Variants in CLCA4 observed in about 807,000 individuals in gnomAD.
The protein encoded by CLCA4 is calcium-activated chloride channel regulator 4.
CLCA4 carries 69 observed loss-of-function variants against 78.9 expected under a neutral mutation model. That is an observed-to-expected ratio of 0.87 (90% CI 0.72 to 1.07). The LOEUF (loss-of-function observed/expected upper bound fraction) is 1.07. CLCA4 is among the 50% of genes least tolerant of loss of function. The pLI, the probability that CLCA4 is intolerant of heterozygous loss-of-function variation, is 0.00. For missense variants in CLCA4, 1,133 were observed against 1,095.8 expected, an observed-to-expected ratio of 1.03 and a Z score of -0.48; for synonymous variants, 362 against 375.8, an observed-to-expected ratio of 0.96 and a Z score of 0.42.
chr1:86,566,001 A>AT lies in CLCA4; in HGVS notation c.936dup (p.Lys313Ter). The AT allele has an allele frequency of 6.2e-7, 1 of 1,612,664 alleles. No individual in the cohort carries two copies. Among genetic ancestry groups the AT allele is most frequent in the Non-Finnish European group, 8.5e-7 (1 of 1,178,948 alleles). On this transcript the variant is annotated frameshift_variant, in exon 6 of 14. Transcript: ENST00000370563. LOFTEE classifies it high-confidence loss of function. Reference sequence around the variant, plus strand: ...CAAAGAATTGTGTGCTTAGTTCTTGATAAGTCTGGAAGCATGGGGGTAAGA... The same window carrying AT: ...CAAAGAATTGTGTGCTTAGTTCTTGATTAAGTCTGGAAGCATGGGGGTAAGA...
chr1:86,565,228 G>T lies in CLCA4; in HGVS notation c.558-46G>T, dbSNP rs1336884410. ...AGAACCACTTAAGATTTCTGTAAGT[G>T]CTAATGATTCAGTTGCCTCAAAGAT... On this transcript the variant is annotated intron_variant, in intron 4 of 13. Coordinates refer to ENST00000370563, the MANE Select transcript of CLCA4 (RefSeq NM_012128.4). The T allele has an allele frequency of 1.5e-5, 20 of 1,359,148 alleles. 2 individuals are homozygous for T. The highest frequency in any genetic ancestry group is 1.9e-5 in the Non-Finnish European group (19 of 986,552). The allele number at this position is 1,359,148 out of a possible 1,614,324, so 84.2% of individuals were successfully genotyped here.
At chr1:86,552,126 C>A (rs1034584166) in intron 1 of CLCA4, among the ~76,000 whole-genome samples, 2 of 151,864 alleles carry the variant, frequency 1.3e-5, no homozygotes, top group African/African-American at 4.8e-5. Context: ...GTTCTAATGT[C>A]GCAGCAAAGG....
intron 1 of CLCA4, among the ~76,000 whole-genome samples, chr1:86,555,057 T>C (rs1438286964): frequency 6.6e-6 from 1 of 152,190 alleles, no homozygotes; most frequent in African/African-American, 2.4e-5. Flanking sequence ...ATGCATTGTT[T>C]GTTTTTCTCT....
At chr1:86,578,277 T>A (rs575473368) in intron 12 of CLCA4, among the ~76,000 whole-genome samples, 1 of 152,050 alleles carries the variant, frequency 6.6e-6, no homozygotes, top group African/African-American at 2.4e-5. Context: ...ACTCAAGCAC[T>A]CAAAAAAGGT....
Position 86,574,618 on chromosome 1 carries a change from G to A in CLCA4, c.1546G>A (p.Asp516Asn). ...CATAATTGATAGTACAGTGGGAAAG[G>A]ACACGTTCTTTCTCATCACATGGAA... is the stretch of plus-strand genomic sequence containing the variant. ...TVIIDSTVGK[D>N]TFFLITWNSL... is the part of the protein sequence containing the mutation. The change falls in exon 10 of 14, where the codon GAC (aspartate) becomes AAC (asparagine). Residue 516 changes from aspartate (D) to asparagine (N), a missense_variant. Transcript: ENST00000370563. 1.9e-6 allele frequency: 3 copies of A among 1,612,628 alleles called. No individual in the cohort carries two copies. In the South Asian group the frequency reaches 3.3e-5, roughly 18 times the overall value.
intron 11 of CLCA4, 106 bp downstream of exon 11, chr1:86,575,705 A>G (rs1007262572): frequency 1.3e-5 from 13 of 1,024,544 alleles, no homozygotes; most frequent in Non-Finnish European, 1.8e-5. Context: ...ATTGATGCAG[A>G]TTAAGGAGGA....
intron 3 of CLCA4, among the ~76,000 whole-genome samples, chr1:86,562,743 A>C: frequency 6.6e-6 from 1 of 151,520 alleles, no homozygotes; most frequent in East Asian, 1.9e-4. Flanking sequence ...AATCTCAGCT[A>C]CTCGGGAGGC....
At chr1:86,560,985 G>A (rs1350165519) in intron 3 of CLCA4, among the ~76,000 whole-genome samples, 1 of 152,116 alleles carries the variant, frequency 6.6e-6, no homozygotes, top group Non-Finnish European at 1.5e-5. Flanking sequence ...CATTGTTAAA[G>A]GAGGGCTCTA....
chr1:86,558,736 A>G (rs1255747276), intron 1 of CLCA4, among the ~76,000 whole-genome samples: 1 of 152,114 alleles, frequency 6.6e-6, no homozygotes, highest in Non-Finnish European at 1.5e-5. Context: ...AACTTACATC[A>G]TGAGAACAGG....
chr1:86,553,369 G>C, intron 1 of CLCA4: 1 of 543,784 alleles, frequency 1.8e-6, no homozygotes. Context: ...CGGTTATCTG[G>C]GTCCTGCCGT....
Position 86,566,381 on chromosome 1 carries a change from G to C in CLCA4, c.954+361G>C, listed in dbSNP as rs116443037. Among the ~76,000 whole-genome samples the C allele has an allele frequency of 3.4e-3, 511 of 152,054 alleles. 3 individuals carry two copies. The highest frequency in any genetic ancestry group is 0.012 in the African/African-American group (489 of 41,486). ...TTCCACTAGCCTAGGAGATCCTCTA[G>C]GACTTGGAATCATGTCTTATTCATC... On this transcript the variant is annotated intron_variant, in intron 6 of 13. Transcript: ENST00000370563.
chr1:86,579,412 G>A lies in CLCA4; in HGVS notation c.2181G>A (p.Leu727=). 1.2e-6 allele frequency: 2 copies of A among 1,613,304 alleles called. No individual in the cohort carries two copies. The highest frequency in any genetic ancestry group is 1.7e-6 in the Non-Finnish European group (2 of 1,179,538). The change falls in exon 13 of 14, where the codon TTG becomes TTA. Residue 727 remains leucine (L), a synonymous_variant. Transcript: ENST00000370563. ...PEIDEDTQTT[L]EDFSRTASGG... ...TTGATGAGGATACTCAGACCACCTTGGAGGATTTCAGCCGAACAGCATCCG... is the reference window on the plus strand; with the variant it reads ...TTGATGAGGATACTCAGACCACCTTAGAGGATTTCAGCCGAACAGCATCCG...
intron 1 of CLCA4, among the ~76,000 whole-genome samples, chr1:86,558,721 A>G (rs374995522): frequency 2.4e-4 from 36 of 152,060 alleles, no homozygotes; most frequent in African/African-American, 8.4e-4. Context: ...ATCAGATCAC[A>G]TGAGAACTTA....
intron 4 of CLCA4, 112 bp downstream of exon 4, chr1:86,563,881 T>A (rs1650097250): frequency 1.9e-6 from 1 of 529,550 alleles, no homozygotes. Flanking sequence ...CACAAAACAA[T>A]GCTTTTATTT....
chr1:86,559,299 A>C (rs776471749), intron 1 of CLCA4, among the ~76,000 whole-genome samples: 1 of 151,876 alleles, frequency 6.6e-6, no homozygotes, highest in Non-Finnish European at 1.5e-5. Flanking sequence ...GTTTTTTTTC[A>C]TCACACCTCC....
At chr1:86,560,435 A>G in intron 3 of CLCA4, 77 bp downstream of exon 3, 1 of 1,450,750 alleles carries the variant, frequency 6.9e-7, no homozygotes, top group Non-Finnish European at 9.4e-7. Context: ...TGTGCAGGCC[A>G]TGGGGCCAAA....
Position 86,550,332 on chromosome 1 carries a change from T to C in CLCA4, c.159+3054T>C, listed in dbSNP as rs79131143. On this transcript the variant is annotated intron_variant, in intron 1 of 13. Transcript: ENST00000370563. ...GCAGCTAATTCTGAATGATAGGTTT[T>C]TAGTGTCCAGAGGACAGTAAATCAG... 2.8e-3 allele frequency among the ~76,000 whole-genome samples: 428 copies of C among 152,348 alleles called. 4 individuals are homozygous for C. Among genetic ancestry groups the C allele is most frequent in the South Asian group, 0.012 (58 of 4,830 alleles).
intron 3 of CLCA4, among the ~76,000 whole-genome samples, chr1:86,562,961 C>A (rs1650069733): frequency 6.6e-6 from 1 of 151,596 alleles, no homozygotes; most frequent in Non-Finnish European, 1.5e-5. Context: ...GTCGTTTGAG[C>A]TACAGAAACA....
chr1:86,574,462 A>G (rs757910664), intron 9 of CLCA4, 78 bp from the exon 10 acceptor site: 66 of 1,208,060 alleles, frequency 5.5e-5, no homozygotes, highest in Non-Finnish European at 7.4e-5. Flanking sequence ...TTCTCAGGCC[A>G]GAAATTAAAA....
Sources: allele counts gnomAD v4.1 joint callset (sites outside exome capture counted in the v4.1 genomes callset), GRCh38; gene constraint gnomAD v4.1.1; transcripts MANE v1.5; gene names NCBI Gene and HGNC (gene_info 2026-07-23, HGNC 2026-07-21).